MYO18B: variants seen among roughly 807,000 people sequenced by gnomAD.
The protein encoded by MYO18B is myosin XVIIIB.
Under a neutral mutation model 273.0 loss-of-function variants are expected in MYO18B, and 204 were observed. The ratio of observed to expected loss-of-function variants is 0.75; its 90% CI spans 0.67 to 0.84. MYO18B has a LOEUF of 0.84. MYO18B is among the 40% of genes least tolerant of loss of function. The pLI is 0.00. For missense variants in MYO18B, 3,212 were observed against 3,287.6 expected (o/e 0.98, Z 0.56); for synonymous variants, 1,330 against 1,305.7 (o/e 1.02, Z -0.40).
intron 1 of MYO18B, among the ~76,000 whole-genome samples, chr22:25,755,522 G>A (rs1262409619): frequency 4.6e-5 from 7 of 152,164 alleles, no homozygotes; most frequent in African/African-American, 1.7e-4. Context: ...CTGTGCCTTT[G>A]TAAGCTGGAG....
At chr22:26,043,573 C>T in the MYO18B span, among the ~76,000 whole-genome samples, 21 of 143,358 alleles carry the variant, frequency 1.5e-4, no homozygotes, top group South Asian at 6.6e-4. Flanking sequence ...TGCAATGGTG[C>T]GATCTCGGCT....
chr22:25,911,717 G>C (rs946167413), intron 33 of MYO18B, among the ~76,000 whole-genome samples: 29 of 152,094 alleles, frequency 1.9e-4, no homozygotes, highest in African/African-American at 5.8e-4. Flanking sequence ...CAGTTGTGAC[G>C]ACCAAAAATT....
At chr22:25,851,923 C>A (rs1274680116) in intron 21 of MYO18B, among the ~76,000 whole-genome samples, 1 of 152,258 alleles carries the variant, frequency 6.6e-6, no homozygotes, top group Admixed American at 6.5e-5. Context: ...TCACTTGGGA[C>A]CCGACTCAGC....
chr22:25,837,421 C>T (rs889193170), intron 17 of MYO18B, among the ~76,000 whole-genome samples: 3 of 152,146 alleles, frequency 2.0e-5, no homozygotes, highest in Non-Finnish European at 2.9e-5. Flanking sequence ...TTATCAAATG[C>T]GGCTGAAAGG....
chr22:25,861,631 A>C (rs898784314), intron 21 of MYO18B, among the ~76,000 whole-genome samples: 2 of 152,140 alleles, frequency 1.3e-5, no homozygotes, highest in African/African-American at 4.8e-5. Context: ...AAGGTGTTCA[A>C]TATATTGATC....
chr22:25,909,529 AT>A (rs1329807919), intron 32 of MYO18B, among the ~76,000 whole-genome samples: 2 of 152,192 alleles, frequency 1.3e-5, no homozygotes, highest in Non-Finnish European at 2.9e-5. Context: ...AGGAGATGGA[AT>A]CTCTCAGTCC....
At chr22:25,984,957 G>T (rs1569264223) in intron 39 of MYO18B, among the ~76,000 whole-genome samples, 1 of 152,214 alleles carries the variant, frequency 6.6e-6, no homozygotes. Flanking sequence ...GATTAGACAT[G>T]CCTGCCATGT....
Position 25,986,726 on chromosome 22 carries a change from C to T in MYO18B, c.6157-5637C>T, listed in dbSNP as rs555712798. Among the ~76,000 whole-genome samples, 151 of 152,270 alleles carry T rather than the reference C, an allele frequency of 9.9e-4. 1 individual carries two copies. Among genetic ancestry groups the T allele is most frequent in the Non-Finnish European group, 1.6e-3 (107 of 68,022 alleles). ...GTTACAGGCAAAATTCAACTCCATT[C>T]GATTTTCAAGTTGAAGCCAGAAGGG... is the stretch of plus-strand genomic sequence containing the variant. On this transcript the variant is annotated intron_variant, in intron 39 of 43. Transcript: ENST00000335473.
intron 42 of MYO18B, among the ~76,000 whole-genome samples, chr22:26,024,531 C>G (rs5761358): frequency 0.017 from 2,642 of 152,264 alleles, 42 homozygotes; most frequent in East Asian, 0.065. Context: ...GGAGGTAGCT[C>G]CTCCACATTG....
intron 39 of MYO18B, among the ~76,000 whole-genome samples, chr22:25,979,906 A>G (rs953725815): frequency 6.6e-6 from 1 of 151,996 alleles, no homozygotes; most frequent in South Asian, 2.1e-4. Flanking sequence ...CCCATCCATC[A>G]GGGACTCCAA....
intron 29 of MYO18B, chr22:25,899,983 CCTAA>C (rs1383242458): frequency 1.3e-5 from 2 of 152,186 alleles, no homozygotes; most frequent in African/African-American, 4.8e-5. Context: ...TTCTGAGAGG[CCTAA>C]CTGAGGGTTT....
At chr22:26,051,357 G>A in the MYO18B span, among the ~76,000 whole-genome samples, 2 of 151,598 alleles carry the variant, frequency 1.3e-5, no homozygotes, top group African/African-American at 4.8e-5. Context: ...CTGAGTAGCT[G>A]GGATTACAGG....
Position 25,768,733 on chromosome 22 carries a change from C to T in MYO18B, c.817C>T (p.Pro273Ser), listed in dbSNP as rs767751884. ...GGGGACCAGGCCCCAAGCCCAAGGG[C>T]CCGGCGAGGGGGTGCGACCAGGGAA... ...RQGTRPQAQGPGEGVRPGKAE... is the reference protein window; with the variant it reads ...RQGTRPQAQGSGEGVRPGKAE... Residue 273 changes from proline to serine, a missense_variant, in exon 4 of 44, where the codon CCC becomes TCC. Physicochemically the swap from Pro to Ser is moderately conservative, Grantham distance 74. Transcript: ENST00000335473. 1.1e-5 allele frequency: 18 copies of T among 1,596,930 alleles called. No individual in the cohort carries two copies. The Middle Eastern group carries it at 6.6e-4, about 59-fold the overall frequency.
chr22:25,857,964 T>G (rs2090623027), intron 21 of MYO18B, among the ~76,000 whole-genome samples: 1 of 152,266 alleles, frequency 6.6e-6, no homozygotes, highest in Non-Finnish European at 1.5e-5. Flanking sequence ...GCTGGGTCTA[T>G]TGTTTTAATT....
intron 17 of MYO18B, 68 bp from the exon 18 acceptor site, chr22:25,843,667 G>T: frequency 6.6e-7 from 1 of 1,524,178 alleles, no homozygotes; most frequent in Non-Finnish European, 8.9e-7. Flanking sequence ...GTGCGTTTAA[G>T]GGATGCCAGC....
rs560398936 is a variant in MYO18B, at chr22:25,894,875, C to G, written c.4544-281C>G. ...TTGGAAAAGGGAAGATATGAATACA[C>G]TTATAGAGACAACTAAACAGTATAA... On this transcript the variant is annotated intron_variant, in intron 27 of 43. Coordinates refer to ENST00000335473, the MANE Select transcript of MYO18B (RefSeq NM_032608.7). The G allele has an allele frequency of 7.3e-4, 211 of 287,730 alleles. 4 individuals carry two copies. In the South Asian group the frequency reaches 0.014, roughly 19 times the overall value. The allele number at this position is 287,730 out of a possible 1,614,324, so 17.8% of individuals were successfully genotyped here.
At chr22:26,024,695 G>A (rs5997023) in intron 42 of MYO18B, among the ~76,000 whole-genome samples, 17 of 152,286 alleles carry the variant, frequency 1.1e-4, no homozygotes, top group African/African-American at 3.1e-4. Flanking sequence ...TTGCCATGGC[G>A]ATCTCACACA....
intron 34 of MYO18B, among the ~76,000 whole-genome samples, chr22:25,922,665 T>G (rs536700116): frequency 2.0e-5 from 3 of 152,140 alleles, no homozygotes; most frequent in African/African-American, 7.2e-5. Flanking sequence ...CTGGGACCCA[T>G]GTTTCCTGAC....
At chr22:25,861,313 C>G (rs1261142025) in intron 21 of MYO18B, among the ~76,000 whole-genome samples, 2 of 152,126 alleles carry the variant, frequency 1.3e-5, no homozygotes, top group Middle Eastern at 3.2e-3. Context: ...TGTTTTGGGG[C>G]TCTGTGGTTA....
Sources: gnomAD v4.1 joint callset for allele counts (sites outside exome capture counted in the v4.1 genomes callset) on GRCh38, gnomAD v4.1.1 for gene constraint, MANE v1.5 for transcripts, NCBI Gene and HGNC (gene_info 2026-07-23, HGNC 2026-07-21) for gene names.